Variants in FGF2 observed in about 807,000 individuals in gnomAD.
FGF2 encodes basic fibroblast growth factor bFGF.
FGF2 carries 13 observed loss-of-function variants against 15.9 expected under a neutral mutation model. That is an observed-to-expected ratio of 0.82 (90% CI 0.53 to 1.30). FGF2 has a LOEUF of 1.30. FGF2 is among the 50% of genes most tolerant of loss of function. The pLI is 0.00. For synonymous variants in FGF2, 90 were observed against 78.4 expected (o/e 1.15, Z -0.78); for missense variants, 163 against 196.9 (o/e 0.83, Z 1.03).
intron 1 of FGF2, among the ~76,000 whole-genome samples, chr4:122,842,170 C>T (rs974726044): frequency 2.6e-5 from 4 of 152,094 alleles, no homozygotes; most frequent in Non-Finnish European, 5.9e-5. Context: ...ACAGCAGAAC[C>T]TTTCTAAAGA....
At chr4:122,828,486 C>T (rs528641880) in intron 1 of FGF2, among the ~76,000 whole-genome samples, 1 of 152,286 alleles carries the variant, frequency 6.6e-6, no homozygotes, top group East Asian at 1.9e-4. Flanking sequence ...ATCTGATTCT[C>T]TCATTGCCTG....
chr4:122,860,258 G>A (rs1002795408), intron 1 of FGF2, among the ~76,000 whole-genome samples: 1 of 151,944 alleles, frequency 6.6e-6, no homozygotes, highest in Non-Finnish European at 1.5e-5. Context: ...TGTTGTAGGT[G>A]TAAATAAACC....
At chr4:122,851,985 C>T (rs531848650) in intron 1 of FGF2, among the ~76,000 whole-genome samples, 3 of 152,276 alleles carry the variant, frequency 2.0e-5, no homozygotes, top group African/African-American at 7.2e-5. Flanking sequence ...ATAATATAGG[C>T]AGTGTGTTTA....
At chr4:122,843,100 G>A (rs1003072254) in intron 1 of FGF2, among the ~76,000 whole-genome samples, 8 of 152,114 alleles carry the variant, frequency 5.3e-5, no homozygotes, top group Non-Finnish European at 1.5e-5. Context: ...AATCAATAAG[G>A]GCAATAAAAT....
In FGF2 at chr4:122,829,965, C is replaced by T. The variant is rs188536985; in HGVS notation, c.178+2613C>T. Among the ~76,000 whole-genome samples the T allele has an allele frequency of 5.3e-5, 8 of 152,190 alleles. No homozygotes were observed. The East Asian group carries it at 1.4e-3, about 26-fold the overall frequency. ...AACATGGAGAAGAGTTAATAGTAGC[C>T]ACAGTTTCCTACTACATTATGGCTC... On this transcript the variant is annotated intron_variant, in intron 1 of 2. Coordinates refer to ENST00000644866, the MANE Select transcript of FGF2 (RefSeq NM_001361665.2).
chr4:122,848,013 C>T (rs115772053), intron 1 of FGF2, among the ~76,000 whole-genome samples: 6,425 of 152,340 alleles, frequency 0.042, 187 homozygotes, highest in Middle Eastern at 0.12. Context: ...CAAGCTGACA[C>T]ATAAAATTAA....
intron 2 of FGF2, among the ~76,000 whole-genome samples, chr4:122,880,561 T>G (rs2150786269): frequency 6.6e-6 from 1 of 152,194 alleles, no homozygotes; most frequent in Non-Finnish European, 1.5e-5. Flanking sequence ...CAGTCAAATC[T>G]TAAAGCTCCA....
rs1047339995 is a variant in FGF2, at chr4:122,841,242, T to G, written c.178+13890T>G. Among the ~76,000 whole-genome samples, 4 of 152,224 alleles carry G rather than the reference T, an allele frequency of 2.6e-5. 1 individual carries two copies. Among genetic ancestry groups the G allele is most frequent in the South Asian group, 2.1e-4 (1 of 4,836 alleles). On this transcript the variant is annotated intron_variant, in intron 1 of 2. Coordinates refer to ENST00000644866, the MANE Select transcript of FGF2 (RefSeq NM_001361665.2). The stretch of plus-strand genomic sequence containing the variant: ...AGCCACCCTCTTTGTTTAAACATTG[T>G]CTGTGGCCACTTTCACACTACAATG...
chr4:122,897,736 T>C lies in FGF2; in HGVS notation c.*5340T>C, dbSNP rs1459041515. ...TAACTTTCACTAACACACACATATG[T>C]AGATTTCACAAAATCCACCTATAAT... On this transcript the variant is annotated 3_prime_UTR_variant, in exon 3 of 3. Coordinates refer to ENST00000644866, the MANE Select transcript of FGF2 (RefSeq NM_001361665.2). 4 of 1,150,204 alleles carry C rather than the reference T, an allele frequency of 3.5e-6. No individual in the cohort carries two copies. Among genetic ancestry groups the C allele is most frequent in the East Asian group, 2.4e-5 (1 of 42,360 alleles). The allele number at this position is 1,150,204 out of a possible 1,614,324, so 71.2% of individuals were successfully genotyped here. A position where few individuals can be genotyped will look rare whatever the true frequency, so the allele number is the denominator to read the frequency against.
rs1384805421 is a variant in FGF2, at chr4:122,855,785, G to A, written c.179-20536G>A. On this transcript the variant is annotated intron_variant, in intron 1 of 2. Coordinates refer to ENST00000644866, the MANE Select transcript of FGF2 (RefSeq NM_001361665.2). The stretch of plus-strand genomic sequence containing the variant: ...AGTTCTTAACATTCCCTTACTAATG[G>A]AAATGAGAAAAATCTGTAGATTTTC... 3.3e-5 allele frequency among the ~76,000 whole-genome samples: 5 copies of A among 152,166 alleles called. No homozygotes were observed. The East Asian group carries it at 9.6e-4, about 29-fold the overall frequency.
At chr4:122,842,959 A>G (rs1329023956) in intron 1 of FGF2, among the ~76,000 whole-genome samples, 1 of 152,324 alleles carries the variant, frequency 6.6e-6, no homozygotes, top group South Asian at 2.1e-4. Context: ...AAAATAATAT[A>G]TTGATTAATT....
chr4:122,892,686 A>G lies in FGF2; in HGVS notation c.*290A>G. 7.3e-7 allele frequency: 1 copy of G among 1,368,656 alleles called. No individual in the cohort carries two copies. Among genetic ancestry groups the G allele is most frequent in the East Asian group, 2.5e-5 (1 of 39,610 alleles). 84.8% of individuals were successfully genotyped at this position (1,368,656 alleles called of 1,614,324 possible). On this transcript the variant is annotated 3_prime_UTR_variant, in exon 3 of 3. Transcript: ENST00000644866. ...CTTTATTCGAAAAGAGGCTTTTAAA[A>G]TGTGCATGTTTAGAAACAAAATTTC...
chr4:122,863,891 C>T (rs1726521124), intron 1 of FGF2, among the ~76,000 whole-genome samples: 1 of 152,192 alleles, frequency 6.6e-6, no homozygotes, highest in Non-Finnish European at 1.5e-5. Flanking sequence ...AGCTTCAGCT[C>T]TGCTCATAAG....
Position 122,874,364 on chromosome 4 carries a change from A to G in FGF2, c.179-1957A>G, listed in dbSNP as rs1187613399. On this transcript the variant is annotated intron_variant, in intron 1 of 2. Transcript: ENST00000644866. ...CTTCATTACATTCCTTTTACTTCGT[A>G]TTATCTTTTAAGATTTTGTAGAAGA... 4.6e-5 allele frequency among the ~76,000 whole-genome samples: 7 copies of G among 152,150 alleles called. No homozygotes were observed. In the East Asian group the frequency reaches 1.3e-3, roughly 29 times the overall value.
At chr4:122,863,899 A>G (rs1397574632) in intron 1 of FGF2, among the ~76,000 whole-genome samples, 2 of 152,144 alleles carry the variant, frequency 1.3e-5, no homozygotes, top group Non-Finnish European at 2.9e-5. Flanking sequence ...CTCTGCTCAT[A>G]AGGCCTTTCA....
At position 122,826,854 on chromosome 4, in the gene FGF2, C is replaced by T; in HGVS notation, c.-321C>T. The T allele has an allele frequency of 6.7e-7, 1 of 1,500,406 alleles. No homozygotes were observed. The highest frequency in any genetic ancestry group is 2.8e-5 in the East Asian group (1 of 36,176). The allele number at this position is 1,500,406 out of a possible 1,614,324, so 92.9% of individuals were successfully genotyped here. A position where few individuals can be genotyped will look rare whatever the true frequency, so the allele number is the denominator to read the frequency against. On this transcript the variant is annotated 5_prime_UTR_variant, in exon 1 of 3. Transcript: ENST00000644866. The stretch of plus-strand genomic sequence containing the variant: ...GTGCCAGATTAGCGGACGCGGTGCC[C>T]GCGGTTGCAACGGGATCCCGGGCGC...
rs1228075281 is a variant in FGF2 at position 122,895,803 on chromosome 4, A to G, written c.*3407A>G. 6.6e-6 allele frequency: 1 copy of G among 152,238 alleles called. No individual in the cohort carries two copies. The highest frequency in any genetic ancestry group is 2.4e-5 in the African/African-American group (1 of 41,468). The allele number at this position is 152,238 out of a possible 1,614,324, so 9.4% of individuals were successfully genotyped here. A position where few individuals can be genotyped will look rare whatever the true frequency, so the allele number is the denominator to read the frequency against. ...AAACAAATGTGTTTCCCAGTTAACT[A>G]GGGTTTACTGTTTGAGCCAATATAA... On this transcript the variant is annotated 3_prime_UTR_variant, in exon 3 of 3. Coordinates refer to ENST00000644866, the MANE Select transcript of FGF2 (RefSeq NM_001361665.2).
In FGF2 at chr4:122,827,068, G is replaced by C. The variant is rs1399088258; in HGVS notation, c.-107G>C. On this transcript the variant is annotated 5_prime_UTR_variant, in exon 1 of 3. Transcript: ENST00000644866. This position sits in a 1 kb window ranked among gnomAD's most constrained non-coding sequence, Gnocchi z 4.2. ...GGCGGGAGGCTGGGGGGCCGGGGCC[G>C]GGGCCGTGCCCCGGAGCGGGTCGGA... is the stretch of plus-strand genomic sequence containing the variant. The C allele has an allele frequency of 1.8e-6, 2 of 1,116,766 alleles. No individual in the cohort carries two copies. Among genetic ancestry groups the C allele is most frequent in the Admixed American group, 5.0e-5 (1 of 19,838 alleles). 69.2% of individuals were successfully genotyped at this position (1,116,766 alleles called of 1,614,324 possible). A position where few individuals can be genotyped will look rare whatever the true frequency, so the allele number is the denominator to read the frequency against.
At chr4:122,836,914 C>T (rs964777527) in intron 1 of FGF2, among the ~76,000 whole-genome samples, 5 of 152,180 alleles carry the variant, frequency 3.3e-5, no homozygotes, top group African/African-American at 9.7e-5. Flanking sequence ...TTCTAGCCAA[C>T]ATTAATGCTC....
Sources: allele counts gnomAD v4.1 joint callset (sites outside exome capture counted in the v4.1 genomes callset), GRCh38; gene constraint gnomAD v4.1.1; non-coding constraint Gnocchi (gnomAD v3.1); transcripts MANE v1.5; gene names NCBI Gene and HGNC (gene_info 2026-07-23, HGNC 2026-07-21).